GRID2: variants seen among roughly 807,000 people sequenced by gnomAD.
GRID2 encodes the protein glutamate receptor ionotropic, delta-2.
In GRID2, 33 loss-of-function variants were observed where a neutral mutation model predicts 114.8. The ratio of observed to expected loss-of-function variants is 0.29; its 90% confidence interval spans 0.22 to 0.38. The LOEUF is 0.38. GRID2 is among the 10% of genes least tolerant of loss of function. The pLI is 1.00. For missense variants in GRID2, 1,184 were observed against 1,257.7 expected (o/e 0.94, Z 0.89); for synonymous variants, 505 against 449.9 (o/e 1.12, Z -1.55).
At chr4:93,648,869 A>G (rs28488010) in intron 14 of GRID2, among the ~76,000 whole-genome samples, 43,080 of 151,818 alleles carry the variant, frequency 0.28, 8,790 homozygotes, top group African/African-American at 0.58. Flanking sequence ...TTTGGATTTC[A>G]TATGCAAACA....
intron 2 of GRID2, among the ~76,000 whole-genome samples, chr4:93,065,374 T>C (rs1412574947): frequency 6.6e-6 from 1 of 151,934 alleles, no homozygotes; most frequent in Non-Finnish European, 1.5e-5. Flanking sequence ...CAAGTTTATT[T>C]ACTCACAGTA....
chr4:92,925,787 T>C (rs541889245), intron 2 of GRID2, among the ~76,000 whole-genome samples: 2 of 152,184 alleles, frequency 1.3e-5, no homozygotes, highest in South Asian at 4.1e-4. Context: ...CTGTTTTAAC[T>C]GATTTGCTTC....
intron 2 of GRID2, among the ~76,000 whole-genome samples, chr4:92,810,410 C>T (rs1032520325): frequency 2.0e-5 from 3 of 151,950 alleles, no homozygotes; most frequent in African/African-American, 7.2e-5. Context: ...GCACTAAAAT[C>T]CTAGACTCCA....
intron 1 of GRID2, among the ~76,000 whole-genome samples, chr4:92,472,995 A>AT (rs1361445909): frequency 1.3e-5 from 2 of 151,646 alleles, no homozygotes; most frequent in South Asian, 2.1e-4. Context: ...ATTTACAAAG[A>AT]TTTTTTCTAT....
In GRID2 at chr4:92,676,702, A is replaced by G. The variant is rs549760110; in HGVS notation, c.244+86416A>G. Among the ~76,000 whole-genome samples the G allele has an allele frequency of 3.9e-5, 6 of 152,234 alleles. No homozygotes were observed. The East Asian group carries it at 1.2e-3, about 30-fold the overall frequency. On this transcript the variant is annotated intron_variant, in intron 2 of 15. Coordinates refer to ENST00000282020, the MANE Select transcript of GRID2 (RefSeq NM_001510.4). ...ATACATTTATGTATAATGAGATGTT[A>G]CATTTTCTTAATAGTAAAGCAATTC...
chr4:92,920,006 A>C (rs1407987635), intron 2 of GRID2, among the ~76,000 whole-genome samples: 1 of 151,962 alleles, frequency 6.6e-6, no homozygotes, highest in Non-Finnish European at 1.5e-5. Flanking sequence ...AGGTCCAAGG[A>C]CTTGCTTTAT....
At chr4:93,423,022 C>T in intron 10 of GRID2, 54 bp downstream of exon 10, 1 of 1,229,908 alleles carries the variant, frequency 8.1e-7, no homozygotes, top group Non-Finnish European at 1.2e-6. Flanking sequence ...TTATTTGTCT[C>T]ATACCTAAAG....
At chr4:92,785,472 A>G (rs911574625) in intron 2 of GRID2, among the ~76,000 whole-genome samples, 2 of 151,560 alleles carry the variant, frequency 1.3e-5, no homozygotes, top group African/African-American at 2.4e-5. Flanking sequence ...GAGGAGAAAA[A>G]AAATATAAGA....
At chr4:92,332,373 C>T (rs1726937551) in intron 1 of GRID2, among the ~76,000 whole-genome samples, 1 of 152,184 alleles carries the variant, frequency 6.6e-6, no homozygotes, top group Admixed American at 6.5e-5. Flanking sequence ...AGGTGGAGCC[C>T]TCATGACTTA....
At chr4:93,688,560 T>G (rs1217835672) in intron 14 of GRID2, among the ~76,000 whole-genome samples, 1 of 152,070 alleles carries the variant, frequency 6.6e-6, no homozygotes, top group African/African-American at 2.4e-5. Context: ...ATTTCAACCC[T>G]GATCTGTGTG....
At chr4:93,316,285 AAAGAAC>A (rs1756591787) in intron 8 of GRID2, among the ~76,000 whole-genome samples, 1 of 49,412 alleles carries the variant, frequency 2.0e-5, no homozygotes, top group Non-Finnish European at 3.8e-5. Context: ...GAAAAGAACG[AAAGAAC>A]GAAAGAAAGA....
intron 2 of GRID2, among the ~76,000 whole-genome samples, chr4:92,888,408 C>T (rs931810743): frequency 6.6e-6 from 1 of 152,056 alleles, no homozygotes; most frequent in African/African-American, 2.4e-5. Flanking sequence ...TTTGCCCAGT[C>T]AACCAAGCCT....
chr4:93,671,476 G>A (rs1279739498), intron 14 of GRID2, among the ~76,000 whole-genome samples: 1 of 152,050 alleles, frequency 6.6e-6, no homozygotes, highest in Non-Finnish European at 1.5e-5. Flanking sequence ...GAGTACCTGG[G>A]TGTGAGCTCT....
At chr4:93,507,553 T>TA (rs1287153578) in intron 12 of GRID2, among the ~76,000 whole-genome samples, 1 of 152,230 alleles carries the variant, frequency 6.6e-6, no homozygotes, top group Non-Finnish European at 1.5e-5. Context: ...CTTTAGCTAC[T>TA]AAAATCATGA....
At chr4:93,343,940 G>A (rs2149250368) in intron 8 of GRID2, among the ~76,000 whole-genome samples, 1 of 152,156 alleles carries the variant, frequency 6.6e-6, no homozygotes, top group East Asian at 1.9e-4. Context: ...TGGTCTATTA[G>A]TATCTCAGAT....
At chr4:92,466,798 T>G (rs1030972739) in intron 1 of GRID2, among the ~76,000 whole-genome samples, 2 of 151,712 alleles carry the variant, frequency 1.3e-5, no homozygotes, top group African/African-American at 4.8e-5. Flanking sequence ...TGAATATATA[T>G]CTACCTAAAT....
chr4:93,071,840 T>C (rs72665250), intron 2 of GRID2, among the ~76,000 whole-genome samples: 10,508 of 152,178 alleles, frequency 0.069, 520 homozygotes, highest in African/African-American at 0.14. Context: ...ATGACAAAGC[T>C]GTCAATATAT....
intron 2 of GRID2, among the ~76,000 whole-genome samples, chr4:92,614,153 C>T (rs62307887): frequency 0.047 from 7,126 of 151,532 alleles, 206 homozygotes; most frequent in East Asian, 0.094. Context: ...GCTGTAATTA[C>T]GTGTGCTTTG....
intron 2 of GRID2, among the ~76,000 whole-genome samples, chr4:92,955,527 G>A (rs1752338887): frequency 6.6e-6 from 1 of 151,998 alleles, no homozygotes; most frequent in South Asian, 2.1e-4. Context: ...CCCTTTGTCA[G>A]ATGAGTAGGT....
Sources: allele counts gnomAD v4.1 joint callset (sites outside exome capture counted in the v4.1 genomes callset), GRCh38; gene constraint gnomAD v4.1.1; transcripts MANE v1.5; gene names NCBI Gene and HGNC (gene_info 2026-07-23, HGNC 2026-07-21).